EXOC6: variants seen among roughly 807,000 people sequenced by gnomAD.
EXOC6 encodes the protein SEC15-like 1.
A neutral mutation model predicts 112.5 loss-of-function variants in EXOC6; 60 were observed. The observed-to-expected ratio is 0.53, with a 90% CI of 0.43 to 0.66. The LOEUF (loss-of-function observed/expected upper bound fraction) is 0.66, where lower values mean the gene tolerates loss of function less well. Ranked by LOEUF, EXOC6 falls within the 30% of genes least tolerant of loss-of-function variation. EXOC6 has a pLI of 0.00. For synonymous variants in EXOC6, 295 were observed against 308.0 expected, an observed-to-expected ratio of 0.96 and a Z score of 0.44; for missense variants, 855 against 957.1, an observed-to-expected ratio of 0.89 and a Z score of 1.41.
intron 13 of EXOC6, among the ~76,000 whole-genome samples, chr10:92,943,040 G>A (rs923338244): frequency 1.7e-5 from 2 of 117,018 alleles, no homozygotes; most frequent in Non-Finnish European, 3.6e-5. Flanking sequence ...TTTTTTTTTT[G>A]AGACGGAGTC....
At chr10:92,890,221 A>T (rs1400994434) in intron 1 of EXOC6, among the ~76,000 whole-genome samples, 1 of 152,026 alleles carries the variant, frequency 6.6e-6, no homozygotes, top group Non-Finnish European at 1.5e-5. Context: ...ATTTTGGAGG[A>T]TGCTAATGTA....
chr10:93,010,461 T>A (rs1844186522), intron 19 of EXOC6, among the ~76,000 whole-genome samples: 1 of 152,104 alleles, frequency 6.6e-6, no homozygotes, highest in African/African-American at 2.4e-5. Context: ...CACAGCACTT[T>A]GGGAGACCGA....
intron 14 of EXOC6, 88 bp downstream of exon 14, chr10:92,948,467 T>C: frequency 1.3e-6 from 1 of 775,666 alleles, no homozygotes; most frequent in Middle Eastern, 3.8e-4. Context: ...AAGCTGAGAC[T>C]GTAAATAACA....
At chr10:92,981,319 A>G (rs953236521) in intron 18 of EXOC6, among the ~76,000 whole-genome samples, 2 of 152,216 alleles carry the variant, frequency 1.3e-5, no homozygotes, top group African/African-American at 4.8e-5. Context: ...CTGTGAACTT[A>G]CTGCCTAACC....
At chr10:92,927,908 T>A (rs1851813810) in intron 8 of EXOC6, among the ~76,000 whole-genome samples, 1 of 152,152 alleles carries the variant, frequency 6.6e-6, no homozygotes, top group African/African-American at 2.4e-5. Flanking sequence ...GAGCAGTATA[T>A]GGATATATTG....
chr10:92,946,156 C>T lies in EXOC6; in HGVS notation c.1311-2118C>T, dbSNP rs530234487. ...AAACAAAAAAAAAAAATTAGCTGGG[C>T]GTGGTGGCCGGCGCCTGTAGTCCCA... On this transcript the variant is annotated intron_variant, in intron 13 of 21. Transcript: ENST00000260762. Among the ~76,000 whole-genome samples, 51 of 152,042 alleles carry T rather than the reference C, an allele frequency of 3.4e-4. No individual in the cohort carries two copies. In the East Asian group the frequency reaches 9.9e-3, roughly 30 times the overall value.
chr10:92,905,956 A>G (rs1850420128), intron 5 of EXOC6, among the ~76,000 whole-genome samples: 1 of 152,202 alleles, frequency 6.6e-6, no homozygotes, highest in South Asian at 2.1e-4. Context: ...TGCACTTGTA[A>G]TAGTGTATTT....
At chr10:92,829,482 C>G (rs370934204) in intron 1 of EXOC6, among the ~76,000 whole-genome samples, 6 of 152,194 alleles carry the variant, frequency 3.9e-5, no homozygotes, top group African/African-American at 1.4e-4. Flanking sequence ...GGCAATGAAC[C>G]TCGGACAACA....
intron 1 of EXOC6, among the ~76,000 whole-genome samples, chr10:92,884,552 G>A (rs1849120526): frequency 6.6e-6 from 1 of 152,078 alleles, no homozygotes; most frequent in Non-Finnish European, 1.5e-5. Flanking sequence ...ACAGAGAAAA[G>A]CCATTTTTAT....
chr10:92,861,258 C>G (rs1459543953), intron 1 of EXOC6, among the ~76,000 whole-genome samples: 2 of 152,196 alleles, frequency 1.3e-5, no homozygotes, highest in Non-Finnish European at 2.9e-5. Flanking sequence ...TGCTCTAGAT[C>G]TGGGGGCACG....
At chr10:92,951,273 T>C (rs1272256424) in intron 14 of EXOC6, among the ~76,000 whole-genome samples, 1 of 152,094 alleles carries the variant, frequency 6.6e-6, no homozygotes, top group Non-Finnish European at 1.5e-5. Context: ...CATAAGACCA[T>C]ATGAGATCAT....
At position 92,896,119 on chromosome 10, in the gene EXOC6, A is replaced by ATATATATG. The variant is rs1564809694; in HGVS notation, c.412+1100_412+1101insATATATGT. On this transcript the variant is annotated intron_variant, in intron 4 of 21. Coordinates refer to ENST00000260762, the MANE Select transcript of EXOC6 (RefSeq NM_019053.6). ...TGTGTGTATATATATGTGTATATAT[A>ATATATATG]TGTGTGTGTGTGTGTGTGTATGTAT... Among the ~76,000 whole-genome samples, 32 of 21,706 alleles carry ATATATATG rather than the reference A, an allele frequency of 1.5e-3. 3 individuals carry two copies. The highest frequency in any genetic ancestry group is 9.5e-3 in the African/African-American group (29 of 3,058). 14.2% of individuals were successfully genotyped at this position (21,706 alleles called of 152,430 possible).
intron 1 of EXOC6, among the ~76,000 whole-genome samples, chr10:92,888,034 A>G (rs1263236517): frequency 6.6e-6 from 1 of 152,076 alleles, no homozygotes; most frequent in Non-Finnish European, 1.5e-5. Flanking sequence ...GGGTCAGGAG[A>G]GAGTTGGGAC....
upstream of EXOC6, among the ~76,000 whole-genome samples, chr10:92,843,588 G>A (rs1388013852): frequency 6.6e-6 from 1 of 151,888 alleles, no homozygotes; most frequent in African/African-American, 2.4e-5. Context: ...GGTGGCTCAC[G>A]CCTGTAATCC....
Position 92,893,477 on chromosome 10 carries a change from T to A in EXOC6, c.230T>A (p.Ile77Asn). The change falls in exon 2 of 22, where the codon ATT becomes AAT. Residue 77 changes from isoleucine to asparagine, a missense_variant. By Grantham distance (149) the Ile-to-Asn change is moderately radical (BLOSUM62 -3). Around this residue, in one of 2 missense-constraint regions of EXOC6, gnomAD observed 405 missense variants for 393.6 expected, o/e 1.03. Coordinates refer to ENST00000260762, the MANE Select transcript of EXOC6 (RefSeq NM_019053.6). ...NFHHQGFVDA[I>N]TELLKVRTDA... ...CATCATCAGGGTTTTGTAGATGCTA[T>A]TACAGAACTCCTTAAAGTAAGGACT... 1.2e-6 allele frequency: 2 copies of A among 1,612,052 alleles called. No homozygotes were observed. Among genetic ancestry groups the A allele is most frequent in the Non-Finnish European group, 1.7e-6 (2 of 1,179,016 alleles).
chr10:93,050,808 G>T (rs1003317682), intron 20 of EXOC6, among the ~76,000 whole-genome samples: 6 of 140,696 alleles, frequency 4.3e-5, no homozygotes, highest in African/African-American at 1.5e-4. Flanking sequence ...GGAGGAGAAG[G>T]TTGCAGTGAG....
intron 1 of EXOC6, among the ~76,000 whole-genome samples, chr10:92,838,938 T>C (rs970732778): frequency 2.0e-5 from 3 of 152,138 alleles, no homozygotes; most frequent in Non-Finnish European, 4.4e-5. Flanking sequence ...CCAGTCGTAG[T>C]GGTGCACGTC....
intron 6 of EXOC6, among the ~76,000 whole-genome samples, 170 bp from the exon 7 acceptor site, chr10:92,915,587 TA>T (rs1411335687): frequency 2.8e-4 from 39 of 140,444 alleles, no homozygotes; most frequent in Non-Finnish European, 3.9e-4. Context: ...TTTTTTTTTT[TA>T]AAAAAAGGAA....
chr10:92,955,390 A>G (rs79256347), intron 16 of EXOC6, among the ~76,000 whole-genome samples, 190 bp from the exon 17 acceptor site: 2,601 of 143,958 alleles, frequency 0.018, 59 homozygotes, highest in African/African-American at 0.063. Flanking sequence ...GTGTGTGTGT[A>G]TATATATATA....
Sources: gnomAD v4.1 joint callset for allele counts (sites outside exome capture counted in the v4.1 genomes callset) on GRCh38, gnomAD v4.1.1 for gene constraint, gnomAD v4.1.1 regional missense constraint, MANE v1.5 for transcripts, NCBI Gene and HGNC (gene_info 2026-07-23, HGNC 2026-07-21) for gene names.